CADM2: variants seen among roughly 807,000 people sequenced by gnomAD.
CADM2 encodes immunoglobulin superfamily member 4D.
A neutral mutation model predicts 49.8 loss-of-function variants in CADM2; 12 were observed. The ratio of observed to expected loss-of-function variants is 0.24; its 90% CI spans 0.15 to 0.39. CADM2 has a LOEUF of 0.39. Ranked by LOEUF, CADM2 falls within the 10% of genes least tolerant of loss-of-function variation. The probability of loss-of-function intolerance (pLI) is 1.00; values close to 1 mark genes in which losing one functional copy is unlikely to be tolerated. For missense variants in CADM2, 378 were observed against 492.3 expected (o/e 0.77, Z 2.20); for synonymous variants, 214 against 175.4 (o/e 1.22, Z -1.74).
chr3:85,050,310 GA>G (rs1167030538), intron 1 of CADM2, among the ~76,000 whole-genome samples: 9 of 151,994 alleles, frequency 5.9e-5, no homozygotes, highest in African/African-American at 2.2e-4. Flanking sequence ...CCCACATGCA[GA>G]ACACTTGTTG....
At chr3:85,299,709 A>G (rs1294764941) in intron 1 of CADM2, among the ~76,000 whole-genome samples, 2 of 152,002 alleles carry the variant, frequency 1.3e-5, no homozygotes, top group Non-Finnish European at 2.9e-5. Context: ...ATGCAAAGCC[A>G]AGCAATTCAC....
At chr3:85,018,630 C>A (rs1208870653) in intron 1 of CADM2, among the ~76,000 whole-genome samples, 1 of 152,146 alleles carries the variant, frequency 6.6e-6, no homozygotes, top group Non-Finnish European at 1.5e-5. Context: ...AGTTTATTTA[C>A]ATAAACTCAC....
intron 1 of CADM2, among the ~76,000 whole-genome samples, chr3:84,976,880 T>C (rs969347251): frequency 1.3e-5 from 2 of 151,940 alleles, no homozygotes; most frequent in African/African-American, 4.8e-5. Flanking sequence ...AAGACTTTTT[T>C]CATCTTGCCA....
At chr3:85,380,368 G>T (rs2033833941) in intron 1 of CADM2, among the ~76,000 whole-genome samples, 2 of 151,626 alleles carry the variant, frequency 1.3e-5, no homozygotes, top group Non-Finnish European at 2.9e-5. Context: ...TAAATTTAAG[G>T]CTAAAATACA....
chr3:85,471,403 T>C (rs561549057), intron 1 of CADM2, among the ~76,000 whole-genome samples: 7 of 152,234 alleles, frequency 4.6e-5, no homozygotes, highest in Admixed American at 2.6e-4. Flanking sequence ...TAATAACAAC[T>C]AACTTCAAGG....
At chr3:85,990,394 G>A (rs1353479762) in intron 8 of CADM2, among the ~76,000 whole-genome samples, 1 of 152,140 alleles carries the variant, frequency 6.6e-6, no homozygotes, top group African/African-American at 2.4e-5. Context: ...TAGGTTAGGT[G>A]TATTAAATAC....
At chr3:85,855,595 T>TAAAAC (rs2075277687) in intron 3 of CADM2, among the ~76,000 whole-genome samples, 5 of 108,490 alleles carry the variant, frequency 4.6e-5, no homozygotes, top group Non-Finnish European at 6.6e-5. Context: ...CATATATATA[T>TAAAAC]ATAAAACATA....
intron 1 of CADM2, among the ~76,000 whole-genome samples, chr3:85,444,867 C>A (rs957511126): frequency 6.6e-6 from 1 of 152,124 alleles, no homozygotes; most frequent in Non-Finnish European, 1.5e-5. Flanking sequence ...TATACACTGT[C>A]TCTGTCCAGT....
At chr3:85,836,130 C>T (rs2074399417) in intron 3 of CADM2, among the ~76,000 whole-genome samples, 2 of 151,448 alleles carry the variant, frequency 1.3e-5, no homozygotes, top group South Asian at 4.1e-4. Flanking sequence ...CTAAAGCACT[C>T]TGATAGCATC....
chr3:85,268,920 C>T (rs1043140611), intron 1 of CADM2, among the ~76,000 whole-genome samples: 12 of 151,266 alleles, frequency 7.9e-5, no homozygotes, highest in African/African-American at 2.9e-4. Flanking sequence ...TTTATAAATA[C>T]ATTATTATTA....
chr3:85,261,756 C>G (rs1442381997), intron 1 of CADM2, among the ~76,000 whole-genome samples: 2 of 152,054 alleles, frequency 1.3e-5, no homozygotes, highest in South Asian at 4.1e-4. Context: ...AATTATTTAA[C>G]TTACAGAGGA....
intron 1 of CADM2, among the ~76,000 whole-genome samples, chr3:85,699,755 C>A (rs1311157790): frequency 6.6e-6 from 1 of 152,214 alleles, no homozygotes; most frequent in East Asian, 1.9e-4. Flanking sequence ...AGGAAGATAT[C>A]CAAAATGCCT....
chr3:85,288,516 T>C (rs779449624), intron 1 of CADM2, among the ~76,000 whole-genome samples: 35 of 152,136 alleles, frequency 2.3e-4, no homozygotes, highest in Non-Finnish European at 4.3e-4. Context: ...TTAATATTGA[T>C]AATTATTGCT....
At chr3:85,120,531 C>T (rs555973898) in intron 1 of CADM2, among the ~76,000 whole-genome samples, 1 of 152,160 alleles carries the variant, frequency 6.6e-6, no homozygotes, top group South Asian at 2.1e-4. Context: ...TTTGCAGGGA[C>T]ATGGATGAAG....
intron 3 of CADM2, among the ~76,000 whole-genome samples, chr3:85,846,425 T>C (rs1205827816): frequency 6.6e-6 from 1 of 152,166 alleles, no homozygotes; most frequent in Non-Finnish European, 1.5e-5. Context: ...CAATTTCTTA[T>C]ATGCCAATTC....
At chr3:85,472,540 A>G (rs1314107218) in intron 1 of CADM2, among the ~76,000 whole-genome samples, 1 of 152,036 alleles carries the variant, frequency 6.6e-6, no homozygotes, top group Non-Finnish European at 1.5e-5. Flanking sequence ...AATACAATAT[A>G]CTTTCGTTGA....
At chr3:85,287,601 CATT>C (rs1169639141) in intron 1 of CADM2, among the ~76,000 whole-genome samples, 2 of 151,946 alleles carry the variant, frequency 1.3e-5, no homozygotes, top group African/African-American at 4.8e-5. Flanking sequence ...ATAACAAAGT[CATT>C]ATTCTGATTG....
At chr3:85,267,214 C>T (rs1464578244) in intron 1 of CADM2, among the ~76,000 whole-genome samples, 1 of 151,720 alleles carries the variant, frequency 6.6e-6, no homozygotes, top group African/African-American at 2.4e-5. Context: ...GTACAACTCC[C>T]ATGAGAAATG....
At chr3:85,501,241 A>C (rs554861944) in intron 1 of CADM2, among the ~76,000 whole-genome samples, 1 of 152,254 alleles carries the variant, frequency 6.6e-6, no homozygotes, top group South Asian at 2.1e-4. Context: ...TTTTACTTGA[A>C]AGATTGGTAT....
Sources: allele counts gnomAD v4.1 joint callset (sites outside exome capture counted in the v4.1 genomes callset), GRCh38; gene constraint gnomAD v4.1.1; transcripts MANE v1.5; gene names NCBI Gene and HGNC (gene_info 2026-07-23, HGNC 2026-07-21).